The following ADGRB1 variants were observed in gnomAD, a reference collection of about 807,000 sequenced individuals.
ADGRB1 encodes brain-specific angiogenesis inhibitor 1.
A neutral mutation model predicts 175.7 loss-of-function variants in ADGRB1; 36 were observed. That is an observed-to-expected ratio of 0.20 (90% CI 0.16 to 0.27). The LOEUF is 0.27. Among genes scored for constraint, ADGRB1 ranks in the 10% least tolerant of loss-of-function variants. The pLI is 1.00. For missense variants in ADGRB1, 1,731 were observed against 2,255.3 expected (o/e 0.77, Z 4.71); for synonymous variants, 1,054 against 979.4 (o/e 1.08, Z -1.42).
intron 24 of ADGRB1, among the ~76,000 whole-genome samples, chr8:142,529,410 A>G (rs1350260159): frequency 1.3e-5 from 2 of 151,988 alleles, no homozygotes; most frequent in Admixed American, 6.5e-5. Flanking sequence ...CTTGTAGCCA[A>G]CCGCCCCCAT....
At chr8:142,487,395 G>A (rs1211210587) in intron 13 of ADGRB1, among the ~76,000 whole-genome samples, 1 of 152,010 alleles carries the variant, frequency 6.6e-6, no homozygotes, top group Non-Finnish European at 1.5e-5. Flanking sequence ...CTGCCCCTCC[G>A]CTCACTGGGT....
At chr8:142,517,683 G>A (rs1164375309) in intron 18 of ADGRB1, among the ~76,000 whole-genome samples, 2 of 152,122 alleles carry the variant, frequency 1.3e-5, no homozygotes, top group Non-Finnish European at 2.9e-5. Context: ...TGGCTGGATG[G>A]CATCTTGGAT....
chr8:142,491,530 C>A (rs1052875025), intron 17 of ADGRB1, among the ~76,000 whole-genome samples: 2 of 152,222 alleles, frequency 1.3e-5, no homozygotes, highest in African/African-American at 4.8e-5. Flanking sequence ...GTGCCAGCGC[C>A]CAGGGCTGAG....
chr8:142,458,572 G>T (rs1457395395), intron 1 of ADGRB1, among the ~76,000 whole-genome samples: 1 of 152,146 alleles, frequency 6.6e-6, no homozygotes, highest in Non-Finnish European at 1.5e-5. Flanking sequence ...GCCCAGCGTG[G>T]CTAGCTCCTG....
intron 17 of ADGRB1, among the ~76,000 whole-genome samples, chr8:142,506,181 C>A (rs527328792): frequency 6.6e-6 from 1 of 152,210 alleles, no homozygotes; most frequent in Non-Finnish European, 1.5e-5. Flanking sequence ...CCTTGGCGAC[C>A]TTGGCAGGAG....
chr8:142,469,501 GTGAA>G (rs1244385286), intron 2 of ADGRB1, among the ~76,000 whole-genome samples: 1 of 149,650 alleles, frequency 6.7e-6, no homozygotes, highest in Non-Finnish European at 1.5e-5. Context: ...ACGTGCATGT[GTGAA>G]TGTGTGTGTA....
In ADGRB1 at chr8:142,542,863, A is replaced by G. The variant is rs1324049184; in HGVS notation, c.4413+216A>G. The stretch of plus-strand genomic sequence containing the variant: ...GGCAGGGTGGTCTCACCCCGTTTCA[A>G]AGGGGCTCAGGGACCCACAGTCTGG... On this transcript the variant is annotated intron_variant, in intron 28 of 30. Coordinates refer to ENST00000517894, the MANE Select transcript of ADGRB1 (RefSeq NM_001702.3). The surrounding 1 kb of genome is among the most constrained non-coding windows in gnomAD (Gnocchi z 6.3). Among the ~76,000 whole-genome samples the G allele has an allele frequency of 2.0e-5, 3 of 152,268 alleles. No homozygotes were observed. The highest frequency in any genetic ancestry group is 7.2e-5 in the African/African-American group (3 of 41,570).
In ADGRB1 at chr8:142,464,009, G is replaced by C. The variant is rs1840103886; in HGVS notation, c.-190G>C. ...TGCTGGTGGCCACAGGCTGGCACCA[G>C]GGCCCTGGACTTTAGAAGCCGTTGC... On this transcript the variant is annotated 5_prime_UTR_variant, in exon 2 of 31. Coordinates refer to ENST00000517894, the MANE Select transcript of ADGRB1 (RefSeq NM_001702.3). 1 of 435,112 alleles carries C rather than the reference G, an allele frequency of 2.3e-6. No individual in the cohort carries two copies. The highest frequency in any genetic ancestry group is 2.1e-5 in the African/African-American group (1 of 48,546). The allele number at this position is 435,112 out of a possible 1,614,324, so 27.0% of individuals were successfully genotyped here. A position where few individuals can be genotyped will look rare whatever the true frequency, so the allele number is the denominator to read the frequency against.
intron 11 of ADGRB1, 63 bp from the exon 12 acceptor site, chr8:142,483,914 C>T: frequency 6.4e-7 from 1 of 1,556,392 alleles, no homozygotes; most frequent in South Asian, 1.1e-5. Flanking sequence ...TGACCCTGGT[C>T]ACAGTGAACG....
At chr8:142,540,939 G>C (rs992740699) in intron 27 of ADGRB1, among the ~76,000 whole-genome samples, 2 of 152,120 alleles carry the variant, frequency 1.3e-5, no homozygotes, top group African/African-American at 4.8e-5. Flanking sequence ...GTGTTCGGGA[G>C]AGAGAGTGAC....
Position 142,474,939 on chromosome 8 carries a change from G to A in ADGRB1, c.785-535G>A, listed in dbSNP as rs76038491. Among the ~76,000 whole-genome samples, 127 of 152,262 alleles carry A rather than the reference G, an allele frequency of 8.3e-4. No homozygotes were observed. The highest frequency in any genetic ancestry group is 3.0e-3 in the African/African-American group (123 of 41,556). ...AGGTGTGAGGCCTTGATCACCACTG[G>A]TATACCTGCGTGGGGTGAAGAAGCG... On this transcript the variant is annotated intron_variant, in intron 2 of 30. Transcript: ENST00000517894. This position sits in a 1 kb window ranked among gnomAD's most constrained non-coding sequence, Gnocchi z 5.8.
At chr8:142,520,088 G>A (rs1485140440) in intron 19 of ADGRB1, among the ~76,000 whole-genome samples, 8 of 149,482 alleles carry the variant, frequency 5.4e-5, no homozygotes, top group African/African-American at 2.0e-4. Context: ...GGTGATGGCT[G>A]TGTTGGTTAT....
intron 16 of ADGRB1, 101 bp downstream of exon 16, chr8:142,489,539 C>T: frequency 7.9e-7 from 1 of 1,273,818 alleles, no homozygotes; most frequent in Non-Finnish European, 1.1e-6. Flanking sequence ...CTCCTCACAA[C>T]AGCTTTAACC....
chr8:142,509,004 AACAG>A lies in ADGRB1; in HGVS notation c.2676-1927_2676-1924del, dbSNP rs200537291. ...CCGCCACAGTTTTCCTTCTCTGTAAAACAGGAGCAGGTCCTTCCCCTAGGAGGCG... is the reference window on the plus strand; with the variant it reads ...CCGCCACAGTTTTCCTTCTCTGTAAAGAGCAGGTCCTTCCCCTAGGAGGCG... On this transcript the variant is annotated intron_variant, in intron 17 of 30. Coordinates refer to ENST00000517894, the MANE Select transcript of ADGRB1 (RefSeq NM_001702.3). 4.6e-3 allele frequency among the ~76,000 whole-genome samples: 708 copies of A among 152,316 alleles called. 6 individuals carry two copies. The highest frequency in any genetic ancestry group is 0.015 in the African/African-American group (632 of 41,560).
rs116642621 is a variant in ADGRB1, at chr8:142,529,355, T to C, written c.3398+2728T>C. Among the ~76,000 whole-genome samples the C allele has an allele frequency of 3.2e-3, 486 of 152,252 alleles. 4 individuals are homozygous for C. Among genetic ancestry groups the C allele is most frequent in the African/African-American group, 0.011 (453 of 41,528 alleles). On this transcript the variant is annotated intron_variant, in intron 24 of 30. Coordinates refer to ENST00000517894, the MANE Select transcript of ADGRB1 (RefSeq NM_001702.3). ...GCAGATGTGTTTGTGTGTGTGTGTG[T>C]GCCCATGTGAGAGTACTTGCTTTTG...
rs775809077 is a variant in ADGRB1 at position 142,537,037 on chromosome 8, C to T, written c.3621C>T (p.Asn1207=). ...CRVVDRQEEG[N]GDSGGSFQNG... Reference sequence around the variant, plus strand: ...TGGTTGACCGGCAGGAGGAGGGCAACGGGGACTCAGGGGGCTCCTTCCAGA... The same window carrying T: ...TGGTTGACCGGCAGGAGGAGGGCAATGGGGACTCAGGGGGCTCCTTCCAGA... The change falls in exon 26 of 31, where the codon AAC becomes AAT. Residue 1207 remains asparagine (N), a synonymous_variant. Coordinates refer to ENST00000517894, the MANE Select transcript of ADGRB1 (RefSeq NM_001702.3). This position sits in a 1 kb window ranked among gnomAD's most constrained non-coding sequence, Gnocchi z 4.6. The T allele has an allele frequency of 5.0e-6, 8 of 1,588,170 alleles. No individual in the cohort carries two copies. Among genetic ancestry groups the T allele is most frequent in the African/African-American group, 2.7e-5 (2 of 73,920 alleles).
chr8:142,459,072 T>C (rs941095639), intron 1 of ADGRB1, among the ~76,000 whole-genome samples: 1 of 152,228 alleles, frequency 6.6e-6, no homozygotes, highest in Non-Finnish European at 1.5e-5. Context: ...CCCTGTCACC[T>C]GTTGCCGGGA....
chr8:142,463,724 C>T (rs1449454344), intron 1 of ADGRB1, among the ~76,000 whole-genome samples: 1 of 152,264 alleles, frequency 6.6e-6, no homozygotes, highest in African/African-American at 2.4e-5. Context: ...CCTGCTCAGG[C>T]TTGGGTGGAG....
Position 142,492,947 on chromosome 8 carries a change from C to T in ADGRB1, c.2675+2132C>T, listed in dbSNP as rs574800131. 9.8e-4 allele frequency among the ~76,000 whole-genome samples: 149 copies of T among 152,152 alleles called. No individual in the cohort carries two copies. The highest frequency in any genetic ancestry group is 1.5e-3 in the Non-Finnish European group (103 of 67,972). ...GCTGTTCGCCGGCCGCGGCAGCTCT[C>T]GGGGGGCTGCGCCCTGGTTCACTCA... On this transcript the variant is annotated intron_variant, in intron 17 of 30. Coordinates refer to ENST00000517894, the MANE Select transcript of ADGRB1 (RefSeq NM_001702.3). This position sits in a 1 kb window ranked among gnomAD's most constrained non-coding sequence, Gnocchi z 4.4.
Sources: allele counts gnomAD v4.1 joint callset (sites outside exome capture counted in the v4.1 genomes callset), GRCh38; gene constraint gnomAD v4.1.1; non-coding constraint Gnocchi (gnomAD v3.1); transcripts MANE v1.5; gene names NCBI Gene and HGNC (gene_info 2026-07-23, HGNC 2026-07-21).